ADGRF5: variants seen among roughly 807,000 people sequenced by gnomAD.
The protein encoded by ADGRF5 is adhesion G protein-coupled receptor F5.
In ADGRF5, 75 loss-of-function variants were observed where a neutral mutation model predicts 132.3. That is an observed-to-expected ratio of 0.57 (90% CI 0.47 to 0.69). The LOEUF (loss-of-function observed/expected upper bound fraction) is 0.69, where lower values mean the gene tolerates loss of function less well. Ranked by LOEUF, ADGRF5 falls within the 30% of genes least tolerant of loss-of-function variation. The probability of loss-of-function intolerance (pLI) is 0.00; values close to 1 mark genes in which losing one functional copy is unlikely to be tolerated. For missense variants in ADGRF5, 1,516 were observed against 1,630.6 expected, an observed-to-expected ratio of 0.93 and a Z score of 1.21; for synonymous variants, 629 against 597.6, an observed-to-expected ratio of 1.05 and a Z score of -0.77.
At position 46,859,936 on chromosome 6, in the gene ADGRF5, C is replaced by T. The variant is rs546698394; in HGVS notation, c.2380-413G>A. ...AACTCCTGATCTCAGGTGATCCATC[C>T]GCCTCGGCCTCCCAAAATGCCTGTA... is the stretch of plus-strand genomic sequence containing the variant. On this transcript the variant is annotated intron_variant, in intron 16 of 20. Transcript: ENST00000283296. Among the ~76,000 whole-genome samples, 6 of 151,876 alleles carry T rather than the reference C, an allele frequency of 4.0e-5. No individual in the cohort carries two copies. In the East Asian group the frequency reaches 7.7e-4, roughly 20 times the overall value.
chr6:46,879,962 A>G lies in ADGRF5; in HGVS notation c.892T>C (p.Leu298=). The G allele has an allele frequency of 6.2e-7, 1 of 1,614,142 alleles. No individual in the cohort carries two copies. Among genetic ancestry groups the G allele is most frequent in the Non-Finnish European group, 8.5e-7 (1 of 1,179,986 alleles). ...TVSLVCEKEV[L]SSNVSWRYEE... ...TAGCGCCAAGACACATTGGAGGACA[A>G]AACTTCCTTTTCACACACCAGACTG... The change falls in exon 9 of 21, where the codon TTG becomes CTG. Residue 298 remains leucine (L), a synonymous_variant. Coordinates refer to ENST00000283296, the MANE Select transcript of ADGRF5 (RefSeq NM_001098518.2).
intron 1 of ADGRF5, among the ~76,000 whole-genome samples, chr6:46,909,275 GA>G (rs1471335726): frequency 5.3e-5 from 8 of 152,178 alleles, no homozygotes; most frequent in African/African-American, 1.9e-4. Context: ...GACAAAGACT[GA>G]GAGACAAAGA....
chr6:46,854,558 G>A (rs1390165653), intron 20 of ADGRF5, among the ~76,000 whole-genome samples: 4 of 152,176 alleles, frequency 2.6e-5, no homozygotes, highest in Non-Finnish European at 4.4e-5. Context: ...AGAAGCAGGA[G>A]TCAGGAATGT....
chr6:46,954,185 G>C (rs1162725331), intron 1 of ADGRF5, among the ~76,000 whole-genome samples: 2 of 151,850 alleles, frequency 1.3e-5, no homozygotes, highest in South Asian at 2.1e-4. Context: ...AATAACAACT[G>C]TTTAACCACA....
At position 46,881,926 on chromosome 6, in the gene ADGRF5, C is replaced by T. The variant is rs1361839383; in HGVS notation, c.671+123G>A. ...GTAAGGGGTGAGGTACTTTTTTCACCTCTACCAAACTGCTCCTGCTGAGGA... is the reference window on the plus strand; with the variant it reads ...GTAAGGGGTGAGGTACTTTTTTCACTTCTACCAAACTGCTCCTGCTGAGGA... On this transcript the variant is annotated intron_variant, in intron 7 of 20. Coordinates refer to ENST00000283296, the MANE Select transcript of ADGRF5 (RefSeq NM_001098518.2). 5.1e-6 allele frequency: 4 copies of T among 789,532 alleles called. No individual in the cohort carries two copies. In the East Asian group the frequency reaches 7.3e-5, roughly 14 times the overall value. 48.9% of individuals were successfully genotyped at this position (789,532 alleles called of 1,614,324 possible). A position where few individuals can be genotyped will look rare whatever the true frequency, so the allele number is the denominator to read the frequency against.
chr6:46,877,344 T>A (rs1326423103), intron 10 of ADGRF5, among the ~76,000 whole-genome samples: 2 of 21,748 alleles, frequency 9.2e-5, no homozygotes, highest in Non-Finnish European at 1.8e-4. Flanking sequence ...TTTCTTTCTT[T>A]CTTTCTTTCT....
chr6:46,894,473 C>G (rs1773972810), intron 3 of ADGRF5, among the ~76,000 whole-genome samples: 1 of 152,046 alleles, frequency 6.6e-6, no homozygotes, highest in East Asian at 1.9e-4. Flanking sequence ...GCCATATACC[C>G]AAATCATCAA....
At chr6:46,947,175 A>G (rs1270084202) in intron 1 of ADGRF5, among the ~76,000 whole-genome samples, 3 of 152,214 alleles carry the variant, frequency 2.0e-5, no homozygotes, top group Admixed American at 6.5e-5. Context: ...CTTTCAACTC[A>G]TTATACCCCA....
In ADGRF5 at chr6:46,895,610, G is replaced by A. The variant is rs563485039; in HGVS notation, c.157+4419C>T. Among the ~76,000 whole-genome samples the A allele has an allele frequency of 8.7e-5, 13 of 149,562 alleles. No homozygotes were observed. In the South Asian group the frequency reaches 2.8e-3, roughly 32 times the overall value. On this transcript the variant is annotated intron_variant, in intron 3 of 20. Coordinates refer to ENST00000283296, the MANE Select transcript of ADGRF5 (RefSeq NM_001098518.2). The stretch of plus-strand genomic sequence containing the variant: ...ACTAAATAGATGTGAAAATGTGAGC[G>A]CATCCAGTGCAGGGTTTGGACATCC...
At chr6:46,869,179 C>G in intron 11 of ADGRF5, 87 bp from the exon 12 acceptor site, 1 of 1,534,230 alleles carries the variant, frequency 6.5e-7, no homozygotes, top group East Asian at 2.4e-5. Flanking sequence ...ATGACTGAAA[C>G]TTCAGAGAGG....
rs1774251050 is a variant in ADGRF5, at chr6:46,897,046, T to A, written c.157+2983A>T. Among the ~76,000 whole-genome samples, 5 of 151,010 alleles carry A rather than the reference T, an allele frequency of 3.3e-5. No homozygotes were observed. The South Asian group carries it at 1.0e-3, about 32-fold the overall frequency. ...GTATCTGAGGGGTTCCTGGAACCAA[T>A]CCCCCATGGATACCAAGGGAAGGAC... On this transcript the variant is annotated intron_variant, in intron 3 of 20. Transcript: ENST00000283296.
chr6:46,934,075 G>T (rs1050344158), intron 1 of ADGRF5, among the ~76,000 whole-genome samples: 1 of 152,026 alleles, frequency 6.6e-6, no homozygotes, highest in African/African-American at 2.4e-5. Flanking sequence ...ACATACTTAC[G>T]GCACATCTTT....
chr6:46,947,889 G>C (rs879939568), intron 1 of ADGRF5, among the ~76,000 whole-genome samples: 4 of 152,176 alleles, frequency 2.6e-5, no homozygotes, highest in Non-Finnish European at 5.9e-5. Context: ...GCTCAGGCTG[G>C]TGTTTGTACG....
In ADGRF5 at chr6:46,871,919, G is replaced by A. The variant is rs1203657657; in HGVS notation, c.1335C>T (p.Val445=). 2 of 1,611,488 alleles carry A rather than the reference G, an allele frequency of 1.2e-6. No homozygotes were observed. Among genetic ancestry groups the A allele is most frequent in the African/African-American group, 1.3e-5 (1 of 74,654 alleles). ...CACTGATGAACTCACAAGTGTAGAT[G>A]ACTGTTGTTCCAGACGACCCGCTTG... The part of the protein sequence containing the change: ...QCPSGSSGTT[V]IYTCEFISAY... The change falls in exon 11 of 21, where the codon GTC becomes GTT. Residue 445 remains valine (V), a synonymous_variant. Transcript: ENST00000283296.
chr6:46,879,980 C>G lies in ADGRF5; in HGVS notation c.874G>C (p.Val292Leu), dbSNP rs192560047. The change falls in exon 9 of 21, where the codon GTG becomes CTG. Residue 292 changes from valine (V) to leucine (L), a missense_variant. Transcript: ENST00000283296. ...IIFEGDTVSL[V>L]CEKEVLSSNV... is the part of the protein sequence containing the mutation. ...GAGGACAAAACTTCCTTTTCACACACCAGACTGACTGTGTCCCCTTCAAAG... is the reference window on the plus strand; with the variant it reads ...GAGGACAAAACTTCCTTTTCACACAGCAGACTGACTGTGTCCCCTTCAAAG... The G allele has an allele frequency of 5.0e-6, 8 of 1,614,080 alleles. No homozygotes were observed. The highest frequency in any genetic ancestry group is 6.8e-6 in the Non-Finnish European group (8 of 1,179,940).
intron 1 of ADGRF5, among the ~76,000 whole-genome samples, chr6:46,936,643 C>G (rs1476407724): frequency 6.6e-6 from 1 of 152,194 alleles, no homozygotes; most frequent in Non-Finnish European, 1.5e-5. Context: ...ATGAAAACAA[C>G]TGTCCCCTAG....
chr6:46,866,719 T>C (rs1005314828), intron 13 of ADGRF5, among the ~76,000 whole-genome samples: 13 of 151,984 alleles, frequency 8.6e-5, no homozygotes, highest in African/African-American at 3.1e-4. Context: ...GGCTCCACCA[T>C]TGCAAACTCC....
chr6:46,888,147 T>A, intron 4 of ADGRF5, 188 bp downstream of exon 4: 1 of 530,052 alleles, frequency 1.9e-6, no homozygotes, highest in East Asian at 3.0e-5. Context: ...ATAAGAAACC[T>A]CTGGCTGCAG....
intron 3 of ADGRF5, among the ~76,000 whole-genome samples, chr6:46,892,567 C>T (rs1773756121): frequency 6.6e-6 from 1 of 151,952 alleles, no homozygotes. Context: ...CTGGCCAACA[C>T]AGTGAAACGC....
Sources: allele counts gnomAD v4.1 joint callset (sites outside exome capture counted in the v4.1 genomes callset), GRCh38; gene constraint gnomAD v4.1.1; transcripts MANE v1.5; gene names NCBI Gene and HGNC (gene_info 2026-07-23, HGNC 2026-07-21).